The following RCOR1 variants were observed in gnomAD, a reference collection of about 807,000 sequenced individuals.
RCOR1 encodes the protein REST corepressor.
In RCOR1, 12 loss-of-function variants were observed where a neutral mutation model predicts 64.0. The observed-to-expected ratio is 0.19, with a 90% CI of 0.12 to 0.30. The LOEUF is 0.30. Ranked by LOEUF, RCOR1 falls within the 10% of genes least tolerant of loss-of-function variation. RCOR1 has a pLI of 1.00. For missense variants in RCOR1, 502 were observed against 621.2 expected, an observed-to-expected ratio of 0.81 and a Z score of 2.04; for synonymous variants, 279 against 227.2, an observed-to-expected ratio of 1.23 and a Z score of -2.05.
At chr14:102,702,489 T>C (rs1250009322) in intron 4 of RCOR1, among the ~76,000 whole-genome samples, 2 of 149,700 alleles carry the variant, frequency 1.3e-5, no homozygotes, top group Non-Finnish European at 3.0e-5. Flanking sequence ...ATATAACATA[T>C]AAATATATAT....
rs375672105 is a variant in RCOR1, at chr14:102,604,991, C to A, written c.361+11666C>A. Among the ~76,000 whole-genome samples, 8 of 145,430 alleles carry A rather than the reference C, an allele frequency of 5.5e-5. No homozygotes were observed. The East Asian group carries it at 1.6e-3, about 29-fold the overall frequency. ...GGCTGAGGCGCGAGAATTGCCTGAA[C>A]CTGGGAGGTGGAGCTACAGTGAGCC... On this transcript the variant is annotated intron_variant, in intron 2 of 11. Transcript: ENST00000262241.
chr14:102,723,865 C>A (rs925914509), intron 11 of RCOR1, among the ~76,000 whole-genome samples: 1 of 152,138 alleles, frequency 6.6e-6, no homozygotes, highest in South Asian at 2.1e-4. Context: ...ATTCCCTCTT[C>A]GCATTTGATC....
intron 2 of RCOR1, among the ~76,000 whole-genome samples, chr14:102,620,337 G>A (rs925479969): frequency 1.3e-5 from 2 of 152,212 alleles, no homozygotes; most frequent in Non-Finnish European, 2.9e-5. Flanking sequence ...GGAGGCCAAG[G>A]CAGGCAGATC....
intron 2 of RCOR1, chr14:102,662,657 T>TGGCTTC (rs1894847979): frequency 2.2e-6 from 1 of 448,818 alleles, no homozygotes; most frequent in Admixed American, 2.8e-5. Context: ...GCCTTTGCTT[T>TGGCTTC]GGCTTCGGCT....
chr14:102,728,185 A>G lies in RCOR1; in HGVS notation c.*1679A>G, dbSNP rs947478251. On this transcript the variant is annotated 3_prime_UTR_variant, in exon 12 of 12. Coordinates refer to ENST00000262241, the MANE Select transcript of RCOR1 (RefSeq NM_015156.4). ...TTGGAATTGTAAATTTTTTTTTAGTATAGTCTGGAGAGAAAGGTCATTCAA... is the reference window on the plus strand; with the variant it reads ...TTGGAATTGTAAATTTTTTTTTAGTGTAGTCTGGAGAGAAAGGTCATTCAA... 1 of 152,164 alleles carries G rather than the reference A, an allele frequency of 6.6e-6. No homozygotes were observed. Among genetic ancestry groups the G allele is most frequent in the African/African-American group, 2.4e-5 (1 of 41,368 alleles). The allele number at this position is 152,164 out of a possible 1,614,324, so 9.4% of individuals were successfully genotyped here.
At chr14:102,638,453 C>G (rs1894291304) in intron 2 of RCOR1, among the ~76,000 whole-genome samples, 1 of 151,874 alleles carries the variant, frequency 6.6e-6, no homozygotes, top group Non-Finnish European at 1.5e-5. Context: ...TCTCGGCTCA[C>G]TGCAACCTCA....
chr14:102,628,013 G>A (rs1414358024), intron 2 of RCOR1, among the ~76,000 whole-genome samples: 3 of 151,714 alleles, frequency 2.0e-5, no homozygotes. Flanking sequence ...TGAAGGCCAG[G>A]AAGTCCCAAA....
intron 3 of RCOR1, among the ~76,000 whole-genome samples, chr14:102,688,127 C>A (rs190778301): frequency 6.6e-6 from 1 of 152,084 alleles, no homozygotes; most frequent in Non-Finnish European, 1.5e-5. Context: ...CCACCACACC[C>A]GGCTAATTGT....
chr14:102,640,466 C>CA (rs1356140848), intron 2 of RCOR1, among the ~76,000 whole-genome samples: 1 of 152,192 alleles, frequency 6.6e-6, no homozygotes, highest in Non-Finnish European at 1.5e-5. Context: ...TTCCGACTCT[C>CA]AAAGACTTGG....
intron 2 of RCOR1, among the ~76,000 whole-genome samples, chr14:102,633,295 A>G (rs1421193648): frequency 6.6e-6 from 1 of 152,146 alleles, no homozygotes; most frequent in East Asian, 1.9e-4. Context: ...TTCACAGTTC[A>G]TATGTGATCT....
intron 2 of RCOR1, among the ~76,000 whole-genome samples, chr14:102,642,650 A>T (rs1894392579): frequency 6.6e-6 from 1 of 152,106 alleles, no homozygotes; most frequent in African/African-American, 2.4e-5. Context: ...AGCCTGGGCA[A>T]CAAAGTGAGA....
At chr14:102,674,027 A>C (rs929300181) in intron 2 of RCOR1, among the ~76,000 whole-genome samples, 1 of 152,218 alleles carries the variant, frequency 6.6e-6, no homozygotes, top group Non-Finnish European at 1.5e-5. Context: ...AACTACTAGA[A>C]TATGTATGGG....
chr14:102,728,086 T>G lies in RCOR1; in HGVS notation c.*1580T>G, dbSNP rs536576254. The G allele has an allele frequency of 1.3e-5, 2 of 152,638 alleles. No individual in the cohort carries two copies. Among genetic ancestry groups the G allele is most frequent in the East Asian group, 3.9e-4 (2 of 5,180 alleles). 9.5% of individuals were successfully genotyped at this position (152,638 alleles called of 1,614,324 possible). A position where few individuals can be genotyped will look rare whatever the true frequency, so the allele number is the denominator to read the frequency against. On this transcript the variant is annotated 3_prime_UTR_variant, in exon 12 of 12. Coordinates refer to ENST00000262241, the MANE Select transcript of RCOR1 (RefSeq NM_015156.4). The stretch of plus-strand genomic sequence containing the variant: ...GTTTTGTCTCCCAAGCACCTTGTTT[T>G]TTGTTGTTGTTGTTGTTGTTGAAGT...
At chr14:102,688,795 G>A (rs1219461965) in intron 3 of RCOR1, among the ~76,000 whole-genome samples, 2 of 152,120 alleles carry the variant, frequency 1.3e-5, no homozygotes, top group African/African-American at 4.8e-5. Context: ...GCTGTGATAC[G>A]GTATCATCTC....
chr14:102,673,771 A>T (rs956591328), intron 2 of RCOR1, among the ~76,000 whole-genome samples: 3 of 151,646 alleles, frequency 2.0e-5, no homozygotes, highest in Non-Finnish European at 2.9e-5. Flanking sequence ...ATGTGCCACC[A>T]TGCCTGGCTA....
rs141840426 is a variant in RCOR1 at position 102,619,679 on chromosome 14, C to G, written c.361+26354C>G. On this transcript the variant is annotated intron_variant, in intron 2 of 11. Coordinates refer to ENST00000262241, the MANE Select transcript of RCOR1 (RefSeq NM_015156.4). Reference sequence around the variant, plus strand: ...TATTTTTGGTAGAGATGGGGTTTCACTATGTTGGCCAGGCTGATCTCAAAC... The same window carrying G: ...TATTTTTGGTAGAGATGGGGTTTCAGTATGTTGGCCAGGCTGATCTCAAAC... Among the ~76,000 whole-genome samples the G allele has an allele frequency of 4.2e-3, 641 of 152,140 alleles. 2 individuals carry two copies. Among genetic ancestry groups the G allele is most frequent in the South Asian group, 1.0e-2 (48 of 4,822 alleles).
rs1250497505 is a variant in RCOR1 at position 102,727,062 on chromosome 14, C to G, written c.*556C>G. 6.6e-6 allele frequency: 1 copy of G among 152,394 alleles called. No individual in the cohort carries two copies. The highest frequency in any genetic ancestry group is 2.4e-5 in the African/African-American group (1 of 41,454). 9.4% of individuals were successfully genotyped at this position (152,394 alleles called of 1,614,324 possible). A position where few individuals can be genotyped will look rare whatever the true frequency, so the allele number is the denominator to read the frequency against. ...CATAACCTTTATCATGCCAAGCATC[C>G]TGATGCAACTCACATTTCCCTAAAC... On this transcript the variant is annotated 3_prime_UTR_variant, in exon 12 of 12. Coordinates refer to ENST00000262241, the MANE Select transcript of RCOR1 (RefSeq NM_015156.4).
intron 3 of RCOR1, among the ~76,000 whole-genome samples, chr14:102,693,603 T>TTGG (rs1242385146): frequency 3.6e-4 from 55 of 152,280 alleles, no homozygotes; most frequent in Admixed American, 3.5e-3. Context: ...TGCCCTCTCA[T>TTGG]ACTCAGTCTC....
intron 2 of RCOR1, among the ~76,000 whole-genome samples, chr14:102,667,647 G>A (rs1220693805): frequency 6.6e-6 from 1 of 152,168 alleles, no homozygotes; most frequent in Non-Finnish European, 1.5e-5. Flanking sequence ...CATGAAGTTG[G>A]AAACTGAAGG....
Sources: allele counts gnomAD v4.1 joint callset (sites outside exome capture counted in the v4.1 genomes callset), GRCh38; gene constraint gnomAD v4.1.1; transcripts MANE v1.5; gene names NCBI Gene and HGNC (gene_info 2026-07-23, HGNC 2026-07-21).